The following LEKR1 variants were observed in gnomAD, a reference collection of about 807,000 sequenced individuals.
The protein encoded by LEKR1 is protein LEKR1.
A neutral mutation model predicts 72.4 loss-of-function variants in LEKR1; 59 were observed. That is an observed-to-expected ratio of 0.82 (90% confidence interval 0.66 to 1.01). The LOEUF is 1.01. Among genes scored for constraint, LEKR1 ranks in the 50% least tolerant of loss-of-function variants. The probability of loss-of-function intolerance (pLI) is 0.00; values close to 1 mark genes in which losing one functional copy is unlikely to be tolerated. For synonymous variants in LEKR1, 257 were observed against 263.2 expected, an observed-to-expected ratio of 0.98 and a Z score of 0.23; for missense variants, 728 against 759.2, an observed-to-expected ratio of 0.96 and a Z score of 0.48.
chr3:156,840,759 A>C (rs1713807461), intron 2 of LEKR1, among the ~76,000 whole-genome samples: 1 of 152,310 alleles, frequency 6.6e-6, no homozygotes, highest in South Asian at 2.1e-4. Flanking sequence ...ACCATAAAAG[A>C]CCTTTTAAAT....
chr3:156,909,065 G>A (rs1369368030), intron 3 of LEKR1, among the ~76,000 whole-genome samples: 3 of 152,020 alleles, frequency 2.0e-5, no homozygotes, highest in Non-Finnish European at 2.9e-5. Context: ...TTTTATAAGG[G>A]GAAAACCCCT....
At chr3:156,952,895 A>T (rs1727293222) in intron 6 of LEKR1, among the ~76,000 whole-genome samples, 1 of 151,522 alleles carries the variant, frequency 6.6e-6, no homozygotes, top group South Asian at 2.1e-4. Flanking sequence ...AAAGAGAGAG[A>T]CAGAGAAAGT....
chr3:156,839,499 A>G (rs1309729820), intron 2 of LEKR1, among the ~76,000 whole-genome samples: 1 of 152,242 alleles, frequency 6.6e-6, no homozygotes, highest in Non-Finnish European at 1.5e-5. Flanking sequence ...AAGGATTTAC[A>G]ATGGAGCCAA....
At chr3:156,866,872 T>C (rs1198855559) in intron 3 of LEKR1, among the ~76,000 whole-genome samples, 1 of 152,052 alleles carries the variant, frequency 6.6e-6, no homozygotes, top group Non-Finnish European at 1.5e-5. Flanking sequence ...CCCAACTCTA[T>C]GCACCCTGCA....
In LEKR1 at chr3:156,918,415, G is replaced by T. The variant is rs62275802; in HGVS notation, c.264-2160G>T. ...TACTTTAAGGAAATTGGCTTAAAAC[G>T]GATGGAGTAGGCTGTTATTCTCCTG... On this transcript the variant is annotated intron_variant, in intron 3 of 12. Coordinates refer to ENST00000356539, the MANE Select transcript of LEKR1 (RefSeq NM_001004316.3). Among the ~76,000 whole-genome samples, 7 of 152,174 alleles carry T rather than the reference G, an allele frequency of 4.6e-5. No homozygotes were observed. In the East Asian group the frequency reaches 1.2e-3, roughly 25 times the overall value.
At chr3:156,970,739 A>G (rs1156874256) in intron 6 of LEKR1, among the ~76,000 whole-genome samples, 1 of 152,194 alleles carries the variant, frequency 6.6e-6, no homozygotes, top group East Asian at 1.9e-4. Flanking sequence ...CCCATTCACA[A>G]TTGCTTCAAA....
At chr3:156,904,417 G>GT (rs201230976) in intron 3 of LEKR1, among the ~76,000 whole-genome samples, 22,406 of 138,978 alleles carry the variant, frequency 0.16, 1,901 homozygotes, top group South Asian at 0.26. Context: ...ACAGAATCAT[G>GT]TTTTTTTTTT....
intron 2 of LEKR1, among the ~76,000 whole-genome samples, chr3:156,844,909 T>TG (rs1714397250): frequency 6.7e-6 from 1 of 150,174 alleles, no homozygotes; most frequent in African/African-American, 2.5e-5. Flanking sequence ...ACTACAGGTT[T>TG]TTTTTTTTTT....
At chr3:156,918,819 C>A (rs542036179) in intron 3 of LEKR1, among the ~76,000 whole-genome samples, 1 of 152,030 alleles carries the variant, frequency 6.6e-6, no homozygotes, top group Non-Finnish European at 1.5e-5. Flanking sequence ...GGTAGAAGCA[C>A]ATGGTTACTA....
rs114603207 is a variant in LEKR1, at chr3:156,831,066, G to A, written c.48+1689G>A. Among the ~76,000 whole-genome samples, 1,493 of 152,172 alleles carry A rather than the reference G, an allele frequency of 9.8e-3. 22 individuals carry two copies. The highest frequency in any genetic ancestry group is 0.035 in the African/African-American group (1,438 of 41,514). On this transcript the variant is annotated intron_variant, in intron 2 of 12. Coordinates refer to ENST00000356539, the MANE Select transcript of LEKR1 (RefSeq NM_001004316.3). ...GGAGTTATTACTCAAATCAATCTCC[G>A]AAAATTTGCAGGGTAGGGATTTTCA... is the stretch of plus-strand genomic sequence containing the variant.
intron 3 of LEKR1, among the ~76,000 whole-genome samples, chr3:156,859,941 T>C (rs1038880872): frequency 1.3e-5 from 2 of 152,200 alleles, no homozygotes; most frequent in African/African-American, 4.8e-5. Flanking sequence ...TGTCTATGGC[T>C]GTTGGTGGTT....
In LEKR1 at chr3:156,830,456, G is replaced by A. The variant is rs116169690; in HGVS notation, c.48+1079G>A. Among the ~76,000 whole-genome samples the A allele has an allele frequency of 2.6e-3, 396 of 152,346 alleles. 3 individuals are homozygous for A. The highest frequency in any genetic ancestry group is 9.0e-3 in the African/African-American group (376 of 41,582). On this transcript the variant is annotated intron_variant, in intron 2 of 12. Transcript: ENST00000356539. ...CTTGATGTGTACTGTAGAATGTGGTGTGCAGCTGTGGTTGCCCACTATTTC... is the reference window on the plus strand; with the variant it reads ...CTTGATGTGTACTGTAGAATGTGGTATGCAGCTGTGGTTGCCCACTATTTC...
At position 156,970,541 on chromosome 3, in the gene LEKR1, G is replaced by A. The variant is rs545904926; in HGVS notation, c.746-8653G>A. Among the ~76,000 whole-genome samples the A allele has an allele frequency of 3.9e-5, 6 of 152,244 alleles. No individual in the cohort carries two copies. In the East Asian group the frequency reaches 7.7e-4, roughly 20 times the overall value. On this transcript the variant is annotated intron_variant, in intron 6 of 12. Transcript: ENST00000356539. Reference sequence around the variant, plus strand: ...AGGAAGGGATCTAGTTGGGAAAAGAGGAAGTCAAATTGTCCGTGTTTGCAG... The same window carrying A: ...AGGAAGGGATCTAGTTGGGAAAAGAAGAAGTCAAATTGTCCGTGTTTGCAG...
At chr3:157,038,799 G>T (rs564158921) in intron 12 of LEKR1, among the ~76,000 whole-genome samples, 1 of 152,180 alleles carries the variant, frequency 6.6e-6, no homozygotes, top group Non-Finnish European at 1.5e-5. Context: ...TGTCCTCATA[G>T]ATGTAGGGCA....
chr3:156,993,078 A>G lies in LEKR1; in HGVS notation c.910A>G (p.Thr304Ala), dbSNP rs779358860. The change falls in exon 9 of 13, where the codon ACT (threonine) becomes GCT (alanine). Residue 304 changes from threonine to alanine, a missense_variant. Coordinates refer to ENST00000356539, the MANE Select transcript of LEKR1 (RefSeq NM_001004316.3). ...GTTTTTCCTATTTCTTTTTAGGCAT[A>G]CTATGCTGCTTAAGGAAAAAGAAGA... ...FESIISESQHTMLLKEKEDSL... is the reference protein window; with the variant it reads ...FESIISESQHAMLLKEKEDSL... 6.3e-7 allele frequency: 1 copy of G among 1,580,406 alleles called. No homozygotes were observed. Among genetic ancestry groups the G allele is most frequent in the Non-Finnish European group, 8.6e-7 (1 of 1,162,020 alleles).
At chr3:156,943,515 G>A (rs769147294) in intron 6 of LEKR1, among the ~76,000 whole-genome samples, 2 of 151,938 alleles carry the variant, frequency 1.3e-5, no homozygotes, top group Non-Finnish European at 2.9e-5. Flanking sequence ...AAAGTATCAT[G>A]ACTGGTACTA....
At chr3:156,989,517 C>T (rs989183987) in intron 7 of LEKR1, among the ~76,000 whole-genome samples, 7 of 152,236 alleles carry the variant, frequency 4.6e-5, no homozygotes, top group Non-Finnish European at 1.0e-4. Flanking sequence ...GGTATTATAA[C>T]TTTTAAAATT....
intron 6 of LEKR1, among the ~76,000 whole-genome samples, chr3:156,967,794 G>A (rs1227527558): frequency 2.6e-5 from 4 of 152,064 alleles, no homozygotes; most frequent in Admixed American, 1.3e-4. Context: ...GATACTCCTC[G>A]AGAAGAGCAA....
intron 2 of LEKR1, among the ~76,000 whole-genome samples, chr3:156,840,027 A>G (rs6441098): frequency 0.039 from 5,894 of 152,262 alleles, 416 homozygotes; most frequent in African/African-American, 0.14. Flanking sequence ...AGCCTGCTCA[A>G]TGTGAACATG....
Sources: allele counts gnomAD v4.1 joint callset (sites outside exome capture counted in the v4.1 genomes callset), GRCh38; gene constraint gnomAD v4.1.1; transcripts MANE v1.5; gene names NCBI Gene and HGNC (gene_info 2026-07-23, HGNC 2026-07-21).